KPTN: variants seen among roughly 807,000 people sequenced by gnomAD.
KPTN encodes kaptin, actin binding protein.
A neutral mutation model predicts 52.6 loss-of-function variants in KPTN; 36 were observed. That is an observed-to-expected ratio of 0.68 (90% CI 0.52 to 0.90). The LOEUF (loss-of-function observed/expected upper bound fraction) is 0.90, where lower values mean the gene tolerates loss of function less well. KPTN is among the 40% of genes least tolerant of loss of function. The probability of loss-of-function intolerance (pLI) is 0.00; values close to 1 mark genes in which losing one functional copy is unlikely to be tolerated. For synonymous variants in KPTN, 271 were observed against 248.4 expected (o/e 1.09, Z -0.85); for missense variants, 529 against 576.2 (o/e 0.92, Z 0.84).
At position 47,481,511 on chromosome 19, in the gene KPTN, T is replaced by C. The variant is rs141975739; in HGVS notation, c.450-478A>G. 950 of 156,834 alleles carry C rather than the reference T, an allele frequency of 6.1e-3. No homozygotes were observed. The highest frequency in any genetic ancestry group is 0.014 in the African/African-American group (584 of 41,628). The allele number at this position is 156,834 out of a possible 1,614,324, so 9.7% of individuals were successfully genotyped here. On this transcript the variant is annotated intron_variant, in intron 4 of 11. Coordinates refer to ENST00000338134, the MANE Select transcript of KPTN (RefSeq NM_007059.4). ...CATAGATTTCAGATTCACGGAATGA[T>C]AGAATATCCAAATCCTAGCAAGGAG... is the stretch of plus-strand genomic sequence containing the variant.
intron 8 of KPTN, among the ~76,000 whole-genome samples, chr19:47,479,504 G>C (rs767183812): frequency 6.6e-6 from 1 of 152,158 alleles, no homozygotes; most frequent in Non-Finnish European, 1.5e-5. Flanking sequence ...GCCACAGAGC[G>C]GGGTGAGGAA....
chr19:47,484,504 C>T (rs1422581533), upstream of KPTN: 2 of 337,640 alleles, frequency 5.9e-6, no homozygotes, highest in African/African-American at 2.2e-5. Context: ...TTAATATTGC[C>T]CTTATGTGCC....
In KPTN at chr19:47,484,077, C is replaced by G. The variant is rs1303101501; in HGVS notation, c.84G>C (p.Val28=). The G allele has an allele frequency of 1.2e-6, 2 of 1,609,864 alleles. No individual in the cohort carries two copies. The highest frequency in any genetic ancestry group is 1.3e-5 in the African/African-American group (1 of 75,056). ...SFTRFSSQSN[V]YGLAGGAGGR... is the part of the protein sequence containing the mutation. ...CGCCGGCGCCGCCTGCCAGCCCGTA[C>G]ACATTGCTCTGCGACGAGAAGCGCG... is the stretch of plus-strand genomic sequence containing the variant. Residue 28 remains valine (V), a synonymous_variant, in exon 1 of 12, where the codon GTG becomes GTC. Transcript: ENST00000338134.
chr19:47,476,576 G>A lies in KPTN; in HGVS notation c.1138C>T (p.Gln380Ter). ...TTCAGGGAGACCACGGCAAGCTCCT[G>A]CAGCCCATCCCCGGTCAGGTCCACG... ...AHVDLTGDGL[Q>*]ELAVVSLKGV... The change falls in exon 11 of 12, where the codon CAG becomes TAG. Residue 380 changes from glutamine (Q) to a stop codon, truncating the protein, a stop_gained. Coordinates refer to ENST00000338134, the MANE Select transcript of KPTN (RefSeq NM_007059.4). LOFTEE classifies it high-confidence loss of function. The A allele has an allele frequency of 6.2e-7, 1 of 1,611,704 alleles. No homozygotes were observed. Among genetic ancestry groups the A allele is most frequent in the Non-Finnish European group, 8.5e-7 (1 of 1,179,588 alleles).
intron 9 of KPTN, among the ~76,000 whole-genome samples, chr19:47,477,298 A>G (rs1967704577): frequency 6.6e-6 from 1 of 152,204 alleles, no homozygotes; most frequent in African/African-American, 2.4e-5. Flanking sequence ...GAGGGGTGCC[A>G]GAGCTGGCTA....
In KPTN at chr19:47,476,872, G is replaced by A; in HGVS notation, c.930C>T (p.Val310=). ...CCACATCGGTGACCAGGCTGCAGAG[G>A]ACGCTGTCAAACTGGTCACTGCCGG... ...LLPGSDQFDS[V]LCSLVTDVDL... is the part of the protein sequence containing the mutation. Residue 310 remains valine, a synonymous_variant, in exon 10 of 12, where the codon GTC becomes GTT. Coordinates refer to ENST00000338134, the MANE Select transcript of KPTN (RefSeq NM_007059.4). 6.4e-7 allele frequency: 1 copy of A among 1,569,012 alleles called. No homozygotes were observed.
intron 6 of KPTN, 110 bp from the exon 7 acceptor site, chr19:47,480,517 T>C: frequency 2.4e-6 from 2 of 824,772 alleles, no homozygotes; most frequent in Non-Finnish European, 3.8e-6. Context: ...ACCCTGCTGC[T>C]TGATTCCTCC....
upstream of KPTN, among the ~76,000 whole-genome samples, chr19:47,484,706 A>ATTTTT (rs35425298): frequency 7.7e-6 from 1 of 129,172 alleles, no homozygotes; most frequent in Non-Finnish European, 1.6e-5. Context: ...ACAGTTCACT[A>ATTTTT]TTTTTTTTTT....
upstream of KPTN, among the ~76,000 whole-genome samples, chr19:47,485,667 C>T (rs1474580950): frequency 6.6e-6 from 1 of 152,166 alleles, no homozygotes; most frequent in African/African-American, 2.4e-5. Context: ...AAACTATGTG[C>T]TGAGCATGTA....
chr19:47,484,390 ACCAAGGGGCTG>A, upstream of KPTN: 1 of 584,256 alleles, frequency 1.7e-6, no homozygotes, highest in Non-Finnish European at 3.0e-6. Flanking sequence ...CCATTTCTGG[ACCAAGGGGCTG>A]CCATAAGGAG....
chr19:47,484,028 T>C lies in KPTN; in HGVS notation c.133A>G (p.Thr45Ala). The C allele has an allele frequency of 1.2e-6, 2 of 1,612,448 alleles. No homozygotes were observed. The highest frequency in any genetic ancestry group is 1.7e-6 in the Non-Finnish European group (2 of 1,179,976). ...AAGCCGAGCACCTTGCCTTTAAGGG[T>C]GGCGGCCAGCAGCTCCCCGCGCCCG... ...AGGRGELLAATLKGKVLGFRY... is the reference protein window; with the variant it reads ...AGGRGELLAAALKGKVLGFRY... Residue 45 changes from threonine to alanine, a missense_variant, in exon 1 of 12, where the codon ACC (threonine) becomes GCC (alanine). Physicochemically the swap from Thr to Ala is moderately conservative, Grantham distance 58. Coordinates refer to ENST00000338134, the MANE Select transcript of KPTN (RefSeq NM_007059.4).
At chr19:47,479,998 T>C (rs1599873691) in intron 7 of KPTN, 58 bp from the exon 8 acceptor site, 1 of 1,157,492 alleles carries the variant, frequency 8.6e-7, no homozygotes, top group South Asian at 1.4e-5. Context: ...CCCGCAGCCC[T>C]GAAACCATCG....
chr19:47,476,772 G>A (rs767931198), intron 10 of KPTN, 31 bp downstream of exon 10: 134 of 1,598,336 alleles, frequency 8.4e-5, no homozygotes, highest in African/African-American at 2.8e-4. Flanking sequence ...GAGGGAGGCC[G>A]GTGGGTGTGG....
intron 7 of KPTN, 139 bp downstream of exon 7, chr19:47,480,159 A>G (rs972697984): frequency 1.6e-5 from 3 of 192,582 alleles, no homozygotes; most frequent in African/African-American, 5.9e-5. Context: ...CCCTAGCCCC[A>G]CCCGGCAAGC....
rs1967995208 is a variant in KPTN at position 47,484,153 on chromosome 19, C to G, written c.8G>C (p.Gly3Ala). The change falls in exon 1 of 12, where the codon GGG (glycine) becomes GCG (alanine). Residue 3 changes from glycine to alanine, a missense_variant. Coordinates refer to ENST00000338134, the MANE Select transcript of KPTN (RefSeq NM_007059.4). ...AGGCCCCGCGGCCACGGCCGCCTCC[C>G]CCATCATGCCCCTCAGTTAAGCACC... MMGEAAVAAGPCP... is the reference protein window; with the variant it reads MMAEAAVAAGPCP... The G allele has an allele frequency of 1.9e-6, 3 of 1,596,416 alleles. No homozygotes were observed. Among genetic ancestry groups the G allele is most frequent in the Admixed American group, 1.7e-5 (1 of 59,848 alleles).
In KPTN at chr19:47,477,753, C is replaced by T. The variant is rs1489170746; in HGVS notation, c.816G>A (p.Glu272=). 3 of 1,613,794 alleles carry T rather than the reference C, an allele frequency of 1.9e-6. No homozygotes were observed. Among genetic ancestry groups the T allele is most frequent in the Non-Finnish European group, 2.5e-6 (3 of 1,179,724 alleles). The change falls in exon 9 of 12, where the codon GAG becomes GAA. Residue 272 remains glutamate (E), a synonymous_variant. Coordinates refer to ENST00000338134, the MANE Select transcript of KPTN (RefSeq NM_007059.4). ...KETKDRPLQD[E]YSVLVASMLE... is the part of the protein sequence containing the mutation. ...ACATGCTGGCCACGAGCACGCTGTA[C>T]TCATCTTGTAGTGGCCTGTCCTTGG...
chr19:47,479,985 C>T (rs1392717348), intron 7 of KPTN, 45 bp from the exon 8 acceptor site: 1 of 1,497,654 alleles, frequency 6.7e-7, no homozygotes. Flanking sequence ...CACCCCGGTC[C>T]CGCCCGCAGC....
At chr19:47,476,976 C>T in intron 9 of KPTN, 38 bp from the exon 10 acceptor site, 1 of 1,544,640 alleles carries the variant, frequency 6.5e-7, no homozygotes, top group Non-Finnish European at 8.7e-7. Flanking sequence ...CTGGGGTCAG[C>T]TTGCAGTGCC....
rs751155315 is a variant in KPTN at position 47,479,845 on chromosome 19, C to A, written c.787+18G>T. 1 of 1,609,864 alleles carries A rather than the reference C, an allele frequency of 6.2e-7. No homozygotes were observed. On this transcript the variant is annotated intron_variant, in intron 8 of 11. Coordinates refer to ENST00000338134, the MANE Select transcript of KPTN (RefSeq NM_007059.4). ...CTCCCACCCGCTCTCTCCCCATCCCCTCAAACCCAGAGCTCACCCTTGGCG... is the reference window on the plus strand; with the variant it reads ...CTCCCACCCGCTCTCTCCCCATCCCATCAAACCCAGAGCTCACCCTTGGCG...
Sources: allele counts gnomAD v4.1 joint callset (sites outside exome capture counted in the v4.1 genomes callset), GRCh38; gene constraint gnomAD v4.1.1; transcripts MANE v1.5; gene names NCBI Gene and HGNC (gene_info 2026-07-23, HGNC 2026-07-21).